GRIP1: variants seen among roughly 807,000 people sequenced by gnomAD.
The protein encoded by GRIP1 is glutamate receptor-interacting protein 1.
Under a neutral mutation model 129.9 loss-of-function variants are expected in GRIP1, and 45 were observed. The ratio of observed to expected loss-of-function variants is 0.35; its 90% CI spans 0.27 to 0.44. GRIP1 has a LOEUF of 0.44. GRIP1 is among the 20% of genes least tolerant of loss of function. The pLI, the probability that GRIP1 is intolerant of heterozygous loss-of-function variation, is 1.00. For synonymous variants in GRIP1, 530 were observed against 520.8 expected, an observed-to-expected ratio of 1.02 and a Z score of -0.24; for missense variants, 1,196 against 1,396.8, an observed-to-expected ratio of 0.86 and a Z score of 2.29.
At chr12:67,051,469 T>C (rs2043345713) in intron 1 of GRIP1, among the ~76,000 whole-genome samples, 2 of 152,260 alleles carry the variant, frequency 1.3e-5, no homozygotes. Context: ...AAAGATTCCG[T>C]AATCCTACTG....
chr12:66,688,621 C>T (rs898924807), intron 1 of GRIP1, among the ~76,000 whole-genome samples: 1 of 152,126 alleles, frequency 6.6e-6, no homozygotes, highest in East Asian at 1.9e-4. Flanking sequence ...ATCTTGTCTT[C>T]CTAAGTTCAT....
At chr12:66,464,235 T>G (rs1414295160) in intron 8 of GRIP1, among the ~76,000 whole-genome samples, 1 of 152,234 alleles carries the variant, frequency 6.6e-6, no homozygotes, top group Non-Finnish European at 1.5e-5. Flanking sequence ...TTGGAGTGCT[T>G]TAGCTATGGG....
chr12:66,931,969 G>C (rs12809578), intron 1 of GRIP1, among the ~76,000 whole-genome samples: 31,847 of 152,006 alleles, frequency 0.21, 3,559 homozygotes, highest in South Asian at 0.26. Flanking sequence ...CATTATCACA[G>C]ACATTGAAAA....
chr12:66,627,888 G>A (rs1467423531), intron 1 of GRIP1, among the ~76,000 whole-genome samples: 1 of 152,180 alleles, frequency 6.6e-6, no homozygotes, highest in African/African-American at 2.4e-5. Context: ...TGGGAATGAG[G>A]GTGAGAGGGA....
At chr12:66,986,594 C>T (rs376476241) in intron 1 of GRIP1, among the ~76,000 whole-genome samples, 14 of 147,930 alleles carry the variant, frequency 9.5e-5, no homozygotes, top group Middle Eastern at 3.5e-3. Flanking sequence ...AACCAAACAC[C>T]GCATGTTCTC....
chr12:66,435,401 G>A (rs368934854), intron 13 of GRIP1, among the ~76,000 whole-genome samples: 17 of 151,924 alleles, frequency 1.1e-4, no homozygotes, highest in South Asian at 1.0e-3. Flanking sequence ...TGGGGTTTCC[G>A]CCATGTTGCC....
chr12:66,741,337 T>C lies in GRIP1; in HGVS notation c.-420+62716A>G, dbSNP rs1461892120. Among the ~76,000 whole-genome samples, 4 of 152,132 alleles carry C rather than the reference T, an allele frequency of 2.6e-5. No homozygotes were observed. In the East Asian group the frequency reaches 7.7e-4, roughly 29 times the overall value. On this transcript the variant is annotated intron_variant, in intron 1 of 4. Coordinates refer to the GRIP1 transcript ENST00000538373. ...TTATGCTATACATTCTCTTTACTCA[T>C]CTCCACCTCCTACATTAAAAATAAA... is the stretch of plus-strand genomic sequence containing the variant.
chr12:67,036,637 A>T (rs1481615219), intron 1 of GRIP1, among the ~76,000 whole-genome samples: 2 of 152,084 alleles, frequency 1.3e-5, no homozygotes, highest in Non-Finnish European at 2.9e-5. Flanking sequence ...AGCCAGAATA[A>T]GGATGTCAAC....
chr12:66,546,233 T>C (rs2061941496), intron 2 of GRIP1, among the ~76,000 whole-genome samples: 4 of 152,160 alleles, frequency 2.6e-5, no homozygotes, highest in Admixed American at 1.3e-4. Context: ...CTCATGCCTA[T>C]AATTCCAGCA....
chr12:66,788,324 C>T (rs1018042744), intron 1 of GRIP1, among the ~76,000 whole-genome samples: 2 of 151,006 alleles, frequency 1.3e-5, no homozygotes, highest in Non-Finnish European at 2.9e-5. Context: ...TGAGGTCAGT[C>T]TGCTGGAATT....
At chr12:66,517,266 A>G (rs1378683879) in intron 6 of GRIP1, among the ~76,000 whole-genome samples, 1 of 152,114 alleles carries the variant, frequency 6.6e-6, no homozygotes, top group African/African-American at 2.4e-5. Context: ...CTAAGTTGTG[A>G]GTTTACTCGG....
chr12:66,402,040 A>G (rs939889476), intron 16 of GRIP1, among the ~76,000 whole-genome samples: 4 of 152,174 alleles, frequency 2.6e-5, no homozygotes, highest in Non-Finnish European at 5.9e-5. Flanking sequence ...ATACCTTTCT[A>G]GCTTACCTAC....
At chr12:66,874,609 G>C (rs891992783) in intron 1 of GRIP1, among the ~76,000 whole-genome samples, 2 of 152,068 alleles carry the variant, frequency 1.3e-5, no homozygotes, top group Non-Finnish European at 2.9e-5. Context: ...GGCGAAGGGA[G>C]AGCTAGCACT....
intron 24 of GRIP1, among the ~76,000 whole-genome samples, chr12:66,349,514 G>A (rs908889582): frequency 2.6e-5 from 4 of 152,170 alleles, no homozygotes; most frequent in Non-Finnish European, 4.4e-5. Context: ...CACAGTGGGG[G>A]TGCTGCAAGT....
chr12:66,980,686 A>C (rs1437075649), intron 1 of GRIP1, among the ~76,000 whole-genome samples: 1 of 152,210 alleles, frequency 6.6e-6, no homozygotes, highest in African/African-American at 2.4e-5. Flanking sequence ...TTATTATATA[A>C]ATGAGAAAAT....
intron 1 of GRIP1, among the ~76,000 whole-genome samples, chr12:66,777,168 G>T (rs553370196): frequency 2.0e-5 from 3 of 152,142 alleles, no homozygotes; most frequent in Non-Finnish European, 4.4e-5. Context: ...CCTTGAAAGT[G>T]CAACAAAGTG....
chr12:67,009,194 T>C (rs1190553663), intron 1 of GRIP1, among the ~76,000 whole-genome samples: 5 of 152,144 alleles, frequency 3.3e-5, no homozygotes, highest in Non-Finnish European at 7.4e-5. Context: ...CTAAAGATTG[T>C]TTCCCCTGGG....
At chr12:66,526,228 C>T (rs2061234260) in intron 5 of GRIP1, among the ~76,000 whole-genome samples, 1 of 150,400 alleles carries the variant, frequency 6.6e-6, no homozygotes, top group Non-Finnish European at 1.5e-5. Context: ...CAAGTCAATC[C>T]TAAGCCAAAA....
chr12:66,377,133 A>C (rs764723768), intron 21 of GRIP1, 41 bp downstream of exon 21: 6 of 1,564,274 alleles, frequency 3.8e-6, no homozygotes, highest in Non-Finnish European at 5.3e-6. Context: ...AAAAAAAATG[A>C]ATGTAGAAAC....
Sources: allele counts gnomAD v4.1 joint callset (sites outside exome capture counted in the v4.1 genomes callset), GRCh38; gene constraint gnomAD v4.1.1; transcripts MANE v1.5; gene names NCBI Gene and HGNC (gene_info 2026-07-23, HGNC 2026-07-21).